GALNTL6: variants seen among roughly 807,000 people sequenced by gnomAD.
GALNTL6 encodes the protein polypeptide N-acetylgalactosaminyltransferase-like 6.
Under a neutral mutation model 73.7 loss-of-function variants are expected in GALNTL6, and 46 were observed. That is an observed-to-expected ratio of 0.62 (90% CI 0.49 to 0.80). The LOEUF is 0.80. Ranked by LOEUF, GALNTL6 falls within the 30% of genes least tolerant of loss-of-function variation. The pLI, the probability that GALNTL6 is intolerant of heterozygous loss-of-function variation, is 0.00. For synonymous variants in GALNTL6, 259 were observed against 263.7 expected, an observed-to-expected ratio of 0.98 and a Z score of 0.17; for missense variants, 604 against 755.0, an observed-to-expected ratio of 0.80 and a Z score of 2.34.
At chr4:172,747,528 G>C (rs949900096) in intron 5 of GALNTL6, among the ~76,000 whole-genome samples, 4 of 152,004 alleles carry the variant, frequency 2.6e-5, no homozygotes, top group African/African-American at 9.7e-5. Flanking sequence ...ATGTTGACCA[G>C]GATTTGAAGA....
intron 5 of GALNTL6, among the ~76,000 whole-genome samples, chr4:172,438,381 T>C (rs1731711645): frequency 6.6e-6 from 1 of 152,038 alleles, no homozygotes. Context: ...GCTTATTTCA[T>C]GTAGTACTCT....
At chr4:172,461,263 T>C (rs1732603874) in intron 5 of GALNTL6, among the ~76,000 whole-genome samples, 1 of 152,108 alleles carries the variant, frequency 6.6e-6, no homozygotes, top group Non-Finnish European at 1.5e-5. Context: ...AAACCTAATG[T>C]AGGTGACGGG....
intron 4 of GALNTL6, among the ~76,000 whole-genome samples, chr4:172,322,037 G>GT (rs1189838763): frequency 6.6e-6 from 1 of 152,120 alleles, no homozygotes; most frequent in East Asian, 1.9e-4. Context: ...ATTCCGATTG[G>GT]TAAGAGAAGA....
At chr4:172,993,327 G>C (rs1751625140) in intron 10 of GALNTL6, among the ~76,000 whole-genome samples, 1 of 152,210 alleles carries the variant, frequency 6.6e-6, no homozygotes, top group African/African-American at 2.4e-5. Context: ...CTCATAGGAG[G>C]CCAAATCCTG....
At position 172,479,195 on chromosome 4, in the gene GALNTL6, T is replaced by TA. The variant is rs540000817; in HGVS notation, c.553+130513dup. Among the ~76,000 whole-genome samples the TA allele has an allele frequency of 9.2e-5, 14 of 152,224 alleles. 1 individual carries two copies. The highest frequency in any genetic ancestry group is 3.4e-3 in the Middle Eastern group (1 of 294). Reference sequence around the variant, plus strand: ...CCCAGAAGAAAGTAATTCACTGTATTAAAAAAAGACACCTGCACTCATGTG... The same window carrying TA: ...CCCAGAAGAAAGTAATTCACTGTATTAAAAAAAAGACACCTGCACTCATGTG... On this transcript the variant is annotated intron_variant, in intron 5 of 12. Coordinates refer to ENST00000506823, the MANE Select transcript of GALNTL6 (RefSeq NM_001034845.3).
At chr4:172,212,679 T>A (rs550473994) in intron 2 of GALNTL6, among the ~76,000 whole-genome samples, 3 of 152,148 alleles carry the variant, frequency 2.0e-5, no homozygotes, top group African/African-American at 7.2e-5. Context: ...TTTTATTTTA[T>A]TTTTTTAGAT....
chr4:172,286,038 A>G (rs1464512165), intron 3 of GALNTL6, among the ~76,000 whole-genome samples: 1 of 152,248 alleles, frequency 6.6e-6, no homozygotes, highest in Admixed American at 6.5e-5. Context: ...AGTCGAAAGC[A>G]TTGGAACCTT....
rs1447319361 is a variant in GALNTL6, at chr4:172,071,143, G to C, written c.139-158513G>C. On this transcript the variant is annotated intron_variant, in intron 2 of 12. Transcript: ENST00000506823. ...TAAAAAAAAAGATCCAAATGCAATG[G>C]CTTAAATATAATGAGACATAGTTAG... 4.6e-5 allele frequency among the ~76,000 whole-genome samples: 5 copies of C among 109,526 alleles called. 2 individuals carry two copies. Among genetic ancestry groups the C allele is most frequent in the African/African-American group, 1.7e-4 (5 of 28,988 alleles). The allele number at this position is 109,526 out of a possible 152,430, so 71.9% of individuals were successfully genotyped here.
intron 9 of GALNTL6, among the ~76,000 whole-genome samples, chr4:172,940,319 C>T (rs527452366): frequency 6.6e-6 from 1 of 151,786 alleles, no homozygotes; most frequent in South Asian, 2.1e-4. Flanking sequence ...AAACCTAATT[C>T]CACTTCCCAA....
chr4:172,678,995 A>G (rs1732468497), intron 5 of GALNTL6, among the ~76,000 whole-genome samples: 1 of 152,252 alleles, frequency 6.6e-6, no homozygotes. Context: ...GCCATGAACA[A>G]TATAAAATGA....
At chr4:172,787,215 G>A (rs570380194) in intron 5 of GALNTL6, among the ~76,000 whole-genome samples, 6 of 152,264 alleles carry the variant, frequency 3.9e-5, no homozygotes, top group Non-Finnish European at 5.9e-5. Flanking sequence ...TAATGACCTC[G>A]TTCAAAACAA....
chr4:172,851,318 CT>C (rs1393542700), intron 7 of GALNTL6, among the ~76,000 whole-genome samples: 1 of 151,886 alleles, frequency 6.6e-6, no homozygotes, highest in Non-Finnish European at 1.5e-5. Flanking sequence ...TCCTAGCACC[CT>C]TATGGCTCAG....
At chr4:172,469,393 G>A (rs532359928) in intron 5 of GALNTL6, among the ~76,000 whole-genome samples, 4 of 151,996 alleles carry the variant, frequency 2.6e-5, no homozygotes, top group South Asian at 4.2e-4. Flanking sequence ...ATCACTTGAG[G>A]TCAGGAGGTG....
At chr4:172,462,412 G>GT (rs746160706) in intron 5 of GALNTL6, among the ~76,000 whole-genome samples, 48 of 152,254 alleles carry the variant, frequency 3.2e-4, no homozygotes, top group Non-Finnish European at 6.0e-4. Flanking sequence ...GAGACAGGAT[G>GT]TTATGCATGA....
chr4:173,028,485 C>T (rs1753323545), intron 12 of GALNTL6, among the ~76,000 whole-genome samples: 1 of 152,136 alleles, frequency 6.6e-6, no homozygotes, highest in Admixed American at 6.6e-5. Flanking sequence ...TTTCTGTACT[C>T]CTATAGCATT....
intron 5 of GALNTL6, among the ~76,000 whole-genome samples, chr4:172,427,404 C>T (rs1484979960): frequency 6.6e-6 from 1 of 152,004 alleles, no homozygotes; most frequent in African/African-American, 2.4e-5. Flanking sequence ...GAAAGACCTG[C>T]CCAGATGATT....
chr4:172,476,516 A>G (rs1490811580), intron 5 of GALNTL6, among the ~76,000 whole-genome samples: 3 of 152,190 alleles, frequency 2.0e-5, no homozygotes, highest in Admixed American at 6.5e-5. Flanking sequence ...CATTTGAGAG[A>G]ACCTTCCCAA....
chr4:171,847,338 G>A (rs1010658926), intron 2 of GALNTL6, among the ~76,000 whole-genome samples: 8 of 152,108 alleles, frequency 5.3e-5, no homozygotes, highest in African/African-American at 1.9e-4. Flanking sequence ...AATCAAAAAT[G>A]TTTACGAGCC....
chr4:171,871,959 G>A (rs1375846007), intron 2 of GALNTL6, among the ~76,000 whole-genome samples: 1 of 152,164 alleles, frequency 6.6e-6, no homozygotes, highest in Non-Finnish European at 1.5e-5. Flanking sequence ...CCACAATGAT[G>A]TTGTCCATGA....
Sources: gnomAD v4.1 joint callset for allele counts (sites outside exome capture counted in the v4.1 genomes callset) on GRCh38, gnomAD v4.1.1 for gene constraint, MANE v1.5 for transcripts, NCBI Gene and HGNC (gene_info 2026-07-23, HGNC 2026-07-21) for gene names.